Variants in ILDR2 observed in about 807,000 individuals in gnomAD.
The protein encoded by ILDR2 is immunoglobulin-like domain-containing receptor 2.
A neutral mutation model predicts 66.8 loss-of-function variants in ILDR2; 25 were observed. That is an observed-to-expected ratio of 0.37 (90% CI 0.27 to 0.52). The LOEUF is 0.52. Among genes scored for constraint, ILDR2 ranks in the 20% least tolerant of loss-of-function variants. The pLI is 0.88. For synonymous variants in ILDR2, 367 were observed against 357.2 expected (o/e 1.03, Z -0.31); for missense variants, 827 against 876.8 (o/e 0.94, Z 0.72).
chr1:166,954,830 T>C (rs112772170), intron 3 of ILDR2, among the ~76,000 whole-genome samples: 74 of 152,344 alleles, frequency 4.9e-4, no homozygotes, highest in African/African-American at 1.7e-3. Flanking sequence ...GCCCTTCATA[T>C]ACTTCAACAC....
At chr1:166,939,914 A>T (rs181035363) in intron 3 of ILDR2, among the ~76,000 whole-genome samples, 1 of 152,376 alleles carries the variant, frequency 6.6e-6, no homozygotes, top group Non-Finnish European at 1.5e-5. Context: ...TTGGAAAGTC[A>T]AGCCCGTCTG....
chr1:166,920,491 G>GATTC (rs1278093691), intron 9 of ILDR2, among the ~76,000 whole-genome samples: 1 of 152,190 alleles, frequency 6.6e-6, no homozygotes, highest in Non-Finnish European at 1.5e-5. Context: ...CCCAGCCCTT[G>GATTC]CTTCCTTCCT....
chr1:166,928,457 T>G (rs961471817), intron 6 of ILDR2, among the ~76,000 whole-genome samples: 5 of 152,210 alleles, frequency 3.3e-5, no homozygotes, highest in African/African-American at 1.2e-4. Flanking sequence ...TGCCATGGGT[T>G]GTATGGTCTG....
Position 166,908,748 on chromosome 1 carries a change from G to A in ILDR2, c.*10607C>T, listed in dbSNP as rs1311749777. ...AGAGATGGATTTCTAAATTCAGAAC[G>A]AGACAAGTATAACCAAGGACATTCA... On this transcript the variant is annotated 3_prime_UTR_variant, in exon 10 of 10. Coordinates refer to ENST00000271417, the MANE Select transcript of ILDR2 (RefSeq NM_199351.3). The A allele has an allele frequency of 6.6e-6, 1 of 152,216 alleles. No homozygotes were observed. Among genetic ancestry groups the A allele is most frequent in the Non-Finnish European group, 1.5e-5 (1 of 68,048 alleles). The allele number at this position is 152,216 out of a possible 1,614,324, so 9.4% of individuals were successfully genotyped here.
chr1:166,907,202 A>T (rs1480782739), downstream of ILDR2: 1 of 152,224 alleles, frequency 6.6e-6, no homozygotes, highest in Non-Finnish European at 1.5e-5. Flanking sequence ...GAGAAAAAAA[A>T]ATGTGTTGAT....
chr1:166,942,350 A>G (rs776864096), intron 3 of ILDR2, among the ~76,000 whole-genome samples: 1 of 152,210 alleles, frequency 6.6e-6, no homozygotes, highest in Non-Finnish European at 1.5e-5. Flanking sequence ...GGCCAGATAT[A>G]ATATAACAGG....
intron 1 of ILDR2, among the ~76,000 whole-genome samples, chr1:166,970,352 C>T (rs1395167809): frequency 2.6e-5 from 4 of 152,286 alleles, no homozygotes; most frequent in Non-Finnish European, 5.9e-5. Context: ...ATAACTGGGT[C>T]TCCCTTGATG....
chr1:166,923,657 G>A (rs1308535248), intron 7 of ILDR2, among the ~76,000 whole-genome samples: 1 of 152,168 alleles, frequency 6.6e-6, no homozygotes, highest in Non-Finnish European at 1.5e-5. Flanking sequence ...TACAAATGGG[G>A]GTATCTAGTC....
rs941117725 is a variant in ILDR2 at position 166,909,678 on chromosome 1, G to A, written c.*9677C>T. On this transcript the variant is annotated 3_prime_UTR_variant, in exon 10 of 10. Transcript: ENST00000271417. The stretch of plus-strand genomic sequence containing the variant: ...TTAACTACATTCAGTTGAACAAAGC[G>A]TTTTTCCAAAAACAAGGTTAATAGA... 2 of 146,010 alleles carry A rather than the reference G, an allele frequency of 1.4e-5. No individual in the cohort carries two copies. The highest frequency in any genetic ancestry group is 5.1e-5 in the African/African-American group (2 of 39,374). 9.0% of individuals were successfully genotyped at this position (146,010 alleles called of 1,614,324 possible). A position where few individuals can be genotyped will look rare whatever the true frequency, so the allele number is the denominator to read the frequency against.
At position 166,921,136 on chromosome 1, in the gene ILDR2, G is replaced by T. The variant is rs750260755; in HGVS notation, c.1455C>A (p.Arg485=). The change falls in exon 9 of 10, where the codon CGC becomes CGA. Residue 485 remains arginine, a synonymous_variant. Coordinates refer to ENST00000271417, the MANE Select transcript of ILDR2 (RefSeq NM_199351.3). The surrounding 1 kb of genome is among the most constrained non-coding windows in gnomAD (Gnocchi z 5.3). ...CGCGGTCAGCATCGGTCAGGGGCTC[G>T]CGGCTGCGGCTGCGCTGACCGTAGT... ...EEYYGQRSRS[R]EPLTDADRGW... 20 of 1,529,760 alleles carry T rather than the reference G, an allele frequency of 1.3e-5. No individual in the cohort carries two copies. In the South Asian group the frequency reaches 2.3e-4, roughly 17 times the overall value. The allele number at this position is 1,529,760 out of a possible 1,614,324, so 94.8% of individuals were successfully genotyped here. A position where few individuals can be genotyped will look rare whatever the true frequency, so the allele number is the denominator to read the frequency against.
rs540283055 is a variant in ILDR2, at chr1:166,911,931, G to A, written c.*7424C>T. The A allele has an allele frequency of 2.0e-5, 3 of 152,202 alleles. No individual in the cohort carries two copies. The highest frequency in any genetic ancestry group is 2.0e-4 in the Admixed American group (3 of 15,294). The allele number at this position is 152,202 out of a possible 1,614,324, so 9.4% of individuals were successfully genotyped here. A position where few individuals can be genotyped will look rare whatever the true frequency, so the allele number is the denominator to read the frequency against. On this transcript the variant is annotated 3_prime_UTR_variant, in exon 10 of 10. Coordinates refer to ENST00000271417, the MANE Select transcript of ILDR2 (RefSeq NM_199351.3). ...AAAATCTAACAATTGGAATTCTCAA[G>A]AGAGAGTTTAAAAAGAAGAGGAAAT...
intron 6 of ILDR2, among the ~76,000 whole-genome samples, chr1:166,931,960 T>C (rs941008436): frequency 2.6e-5 from 4 of 152,110 alleles, no homozygotes; most frequent in African/African-American, 7.2e-5. Context: ...ATATACGGTA[T>C]TGAGGAGCAA....
rs1659573229 is a variant in ILDR2 at position 166,914,585 on chromosome 1, A to C, written c.*4770T>G. ...GTAATATATCATAAAAATAACACAA[A>C]TATTATTAGTATTAACCTTCTCCCC... On this transcript the variant is annotated 3_prime_UTR_variant, in exon 10 of 10. Transcript: ENST00000271417. The C allele has an allele frequency of 6.6e-6, 1 of 152,206 alleles. No individual in the cohort carries two copies. The highest frequency in any genetic ancestry group is 1.5e-5 in the Non-Finnish European group (1 of 68,036). 9.4% of individuals were successfully genotyped at this position (152,206 alleles called of 1,614,324 possible).
intron 6 of ILDR2, among the ~76,000 whole-genome samples, chr1:166,934,230 A>G (rs537383458): frequency 3.0e-4 from 45 of 152,176 alleles, no homozygotes; most frequent in Middle Eastern, 3.4e-3. Context: ...CCTGCCTATA[A>G]CCACAAATTA....
intron 1 of ILDR2, among the ~76,000 whole-genome samples, chr1:166,965,648 C>G (rs1308903726): frequency 6.7e-6 from 1 of 149,028 alleles, no homozygotes; most frequent in Non-Finnish European, 1.5e-5. Context: ...CCTTGGCTCA[C>G]TGCAACCTCT....
chr1:166,909,781 T>TTA lies in ILDR2; in HGVS notation c.*9572_*9573dup, dbSNP rs59835931. ...TATAAATATATATAAATATATATAT[T>TTA]TATATATATATATATATATATATAT... On this transcript the variant is annotated 3_prime_UTR_variant, in exon 10 of 10. Coordinates refer to ENST00000271417, the MANE Select transcript of ILDR2 (RefSeq NM_199351.3). 222 of 64,228 alleles carry TTA rather than the reference T, an allele frequency of 3.5e-3. No homozygotes were observed. Among genetic ancestry groups the TTA allele is most frequent in the South Asian group, 0.029 (63 of 2,180 alleles). The allele number at this position is 64,228 out of a possible 1,614,324, so 4.0% of individuals were successfully genotyped here.
chr1:166,963,344 C>T (rs762772098), intron 1 of ILDR2, among the ~76,000 whole-genome samples: 3 of 152,210 alleles, frequency 2.0e-5, no homozygotes, highest in Non-Finnish European at 4.4e-5. Flanking sequence ...ATAAAGTAGG[C>T]ATTGTTATTA....
chr1:166,960,466 A>C (rs1438369722), intron 1 of ILDR2, among the ~76,000 whole-genome samples: 1 of 152,148 alleles, frequency 6.6e-6, no homozygotes, highest in Non-Finnish European at 1.5e-5. Flanking sequence ...TCTGAGACTC[A>C]TTTTCCTCAC....
At position 166,936,575 on chromosome 1, in the gene ILDR2, C is replaced by T. The variant is rs750764948; in HGVS notation, c.703+16G>A. ...TCTCTCGATCGCTCTGTCTCCCCAG[C>T]GGTCACTGTACTCACAGGCTTGAGG... On this transcript the variant is annotated intron_variant, in intron 5 of 9. Coordinates refer to ENST00000271417, the MANE Select transcript of ILDR2 (RefSeq NM_199351.3). The surrounding 1 kb of genome is among the most constrained non-coding windows in gnomAD (Gnocchi z 5.0). 18 of 1,614,048 alleles carry T rather than the reference C, an allele frequency of 1.1e-5. No homozygotes were observed. Among genetic ancestry groups the T allele is most frequent in the Admixed American group, 3.3e-5 (2 of 60,008 alleles).
Sources: gnomAD v4.1 joint callset for allele counts (sites outside exome capture counted in the v4.1 genomes callset) on GRCh38, gnomAD v4.1.1 for gene constraint, Gnocchi (gnomAD v3.1) non-coding constraint, MANE v1.5 for transcripts, NCBI Gene and HGNC (gene_info 2026-07-23, HGNC 2026-07-21) for gene names.